Variants in QTGAL observed in about 807,000 individuals in gnomAD.
QTGAL encodes BGnT-like protein 1.
At chr17:83,012,964 G>C in the QTGAL span, among the ~76,000 whole-genome samples, 2 of 151,972 alleles carry the variant, frequency 1.3e-5, no homozygotes, top group Non-Finnish European at 2.9e-5. Flanking sequence ...GTCTCTCCCA[G>C]GCAGTCCATG....
chr17:82,950,383 G>A, the QTGAL span, among the ~76,000 whole-genome samples: 22 of 152,218 alleles, frequency 1.4e-4, no homozygotes, highest in African/African-American at 4.8e-4. Context: ...ACAAGGAGAC[G>A]TGGAGTGGGC....
chr17:83,008,562 C>CA, the QTGAL span, among the ~76,000 whole-genome samples: 18 of 152,226 alleles, frequency 1.2e-4, no homozygotes, highest in Non-Finnish European at 1.8e-4. Context: ...CATCGACCCT[C>CA]AAGCACTGAG....
the QTGAL span, among the ~76,000 whole-genome samples, chr17:82,950,434 G>T: frequency 6.6e-6 from 1 of 152,148 alleles, no homozygotes; most frequent in African/African-American, 2.4e-5. Context: ...TGGAGAGGGG[G>T]TCCCTGAGAA....
At chr17:82,948,791 TG>T in the QTGAL span, 1 of 152,372 alleles carries the variant, frequency 6.6e-6, no homozygotes, top group East Asian at 1.9e-4. Flanking sequence ...AATTGGCATC[TG>T]TAATCAAAAG....
chr17:83,023,317 G>A, the QTGAL span, among the ~76,000 whole-genome samples: 8 of 133,346 alleles, frequency 6.0e-5, no homozygotes, highest in African/African-American at 2.0e-4. Context: ...CACTGTCCCC[G>A]CCCCACCTGC....
At chr17:82,998,927 G>A in the QTGAL span, among the ~76,000 whole-genome samples, 4 of 150,340 alleles carry the variant, frequency 2.7e-5, no homozygotes, top group African/African-American at 4.9e-5. Context: ...AAATCACCAC[G>A]AGATACCACT....
the QTGAL span, among the ~76,000 whole-genome samples, chr17:82,972,481 G>C: frequency 8.0e-6 from 1 of 124,988 alleles, no homozygotes; most frequent in Non-Finnish European, 1.6e-5. Context: ...ACAGGGGCTA[G>C]AAGGACCTGG....
At chr17:82,964,028 C>CGG in the QTGAL span, among the ~76,000 whole-genome samples, 4,134 of 139,580 alleles carry the variant, frequency 0.03, 228 homozygotes, top group African/African-American at 0.097. Context: ...AGGCTGAGGT[C>CGG]GGGGGGGTGG....
the QTGAL span, chr17:82,945,225 G>A: frequency 6.6e-6 from 1 of 152,346 alleles, no homozygotes; most frequent in Admixed American, 6.5e-5. Context: ...TAGAAAACTG[G>A]AAGATCTGAA....
At chr17:82,942,920 T>C in the QTGAL span, 1 of 209,324 alleles carries the variant, frequency 4.8e-6, no homozygotes, top group Non-Finnish European at 9.6e-6. Flanking sequence ...GAGGTTCAAA[T>C]GCTAGAGAAC....
At chr17:82,968,382 G>A in the QTGAL span, among the ~76,000 whole-genome samples, 28 of 114,022 alleles carry the variant, frequency 2.5e-4, no homozygotes, top group African/African-American at 8.3e-4. Context: ...GATGTCTGTC[G>A]GCAACAGGGA....
the QTGAL span, among the ~76,000 whole-genome samples, chr17:82,950,266 G>A: frequency 2.6e-5 from 4 of 152,214 alleles, no homozygotes; most frequent in Non-Finnish European, 4.4e-5. Flanking sequence ...CCTGGGAAGG[G>A]TTTTCACCAA....
At chr17:82,979,425 G>A in the QTGAL span, 7 of 152,182 alleles carry the variant, frequency 4.6e-5, no homozygotes, top group African/African-American at 1.2e-4. Flanking sequence ...ATACCAAGAC[G>A]AAATAGAGTC....
the QTGAL span, among the ~76,000 whole-genome samples, chr17:83,028,522 C>CAAA: frequency 1.9e-5 from 1 of 52,284 alleles, no homozygotes; most frequent in African/African-American, 6.4e-5. Context: ...GACTCCATCT[C>CAAA]AAAAAAAAAA....
chr17:83,032,895 G>A, the QTGAL span, among the ~76,000 whole-genome samples: 2 of 152,216 alleles, frequency 1.3e-5, no homozygotes, highest in Admixed American at 6.5e-5. Flanking sequence ...ACACGGGCAC[G>A]CCTCTCCCAA....
chr17:82,947,220 C>A, the QTGAL span: 1 of 526,850 alleles, frequency 1.9e-6, no homozygotes, highest in Non-Finnish European at 3.4e-6. Flanking sequence ...GCCTTCTGGC[C>A]TTGCCTCTCT....
the QTGAL span, chr17:82,957,196 G>A: frequency 6.2e-7 from 1 of 1,614,204 alleles, no homozygotes; most frequent in Non-Finnish European, 8.5e-7. Flanking sequence ...AGTCCTCGTG[G>A]CAATAGAAGC....
chr17:82,949,088 T>C, the QTGAL span: 330 of 152,148 alleles, frequency 2.2e-3, 1 homozygote, highest in African/African-American at 7.6e-3. Context: ...AATAAAGCAG[T>C]TTATAAATAT....
chr17:82,956,796 T>C, the QTGAL span: 1 of 1,559,766 alleles, frequency 6.4e-7, no homozygotes, highest in Non-Finnish European at 8.7e-7. This position sits in a 1 kb window ranked among gnomAD's most constrained non-coding sequence, Gnocchi z 5.7. Flanking sequence ...CCATCAGTCC[T>C]GCCCGAGCCT....
Sources: gnomAD v4.1 joint callset for allele counts (sites outside exome capture counted in the v4.1 genomes callset) on GRCh38, gnomAD v4.1.1 for gene constraint, Gnocchi (gnomAD v3.1) non-coding constraint, MANE v1.5 for transcripts, NCBI Gene and HGNC (gene_info 2026-07-23, HGNC 2026-07-21) for gene names.